PCDHGB1: variants seen among roughly 807,000 people sequenced by gnomAD.
The protein encoded by PCDHGB1 is protocadherin gamma subfamily B, 1.
PCDHGB1 carries 34 observed loss-of-function variants against 56.6 expected under a neutral mutation model. That is an observed-to-expected ratio of 0.60 (90% CI 0.46 to 0.80). The LOEUF is 0.80. PCDHGB1 is among the 30% of genes least tolerant of loss of function. The pLI, the probability that PCDHGB1 is intolerant of heterozygous loss-of-function variation, is 0.00. For synonymous variants in PCDHGB1, 561 were observed against 505.9 expected (o/e 1.11, Z -1.46); for missense variants, 1,278 against 1,204.6 (o/e 1.06, Z -0.90).
chr5:141,468,055 T>G (rs2099156893), intron 1 of PCDHGB1, among the ~76,000 whole-genome samples: 1 of 152,096 alleles, frequency 6.6e-6, no homozygotes, highest in Admixed American at 6.5e-5. Flanking sequence ...CCGGGCACAG[T>G]GGCTCACACC....
chr5:141,350,940 T>C lies in PCDHGB1; in HGVS notation c.680T>C (p.Ile227Thr). Residue 227 changes from isoleucine (I) to threonine (T), a missense_variant, in exon 1 of 4, where the codon ATC (isoleucine) becomes ACC (threonine). Ile to Thr is a moderately conservative substitution (Grantham distance 89, BLOSUM62 -1). Coordinates refer to ENST00000523390, the MANE Select transcript of PCDHGB1 (RefSeq NM_018922.3). ...PPLSGTTHIWIRVTDANDNAP... is the reference protein window; with the variant it reads ...PPLSGTTHIWTRVTDANDNAP... ...CTAAGCGGCACCACCCATATCTGGATCCGAGTTACGGATGCCAATGATAAT... is the reference window on the plus strand; with the variant it reads ...CTAAGCGGCACCACCCATATCTGGACCCGAGTTACGGATGCCAATGATAAT... The C allele has an allele frequency of 6.2e-7, 1 of 1,614,094 alleles. No homozygotes were observed. Among genetic ancestry groups the C allele is most frequent in the Non-Finnish European group, 8.5e-7 (1 of 1,179,912 alleles).
At chr5:141,409,769 G>T (rs1413636372) in intron 1 of PCDHGB1, 3 of 1,612,776 alleles carry the variant, frequency 1.9e-6, no homozygotes, top group Middle Eastern at 1.7e-4. Flanking sequence ...CTTTGATCAC[G>T]AGCAGCTGCG....
intron 1 of PCDHGB1, chr5:141,395,266 T>C (rs1369566717): frequency 1.9e-6 from 3 of 1,548,854 alleles, no homozygotes; most frequent in Non-Finnish European, 8.7e-7. Context: ...TTGCTTTTAA[T>C]TTCCAGATGA....
In PCDHGB1 at chr5:141,500,527, A is replaced by C. The variant is rs937551961; in HGVS notation, c.2469-4866A>C. On this transcript the variant is annotated intron_variant, in intron 2 of 3. Transcript: ENST00000523390. ...CCTGGCCGAGCTTCATTTTAAAAAA[A>C]TCTCATTCACCTAAATAAGTTGTTC... is the stretch of plus-strand genomic sequence containing the variant. 5.9e-5 allele frequency among the ~76,000 whole-genome samples: 9 copies of C among 152,298 alleles called. No individual in the cohort carries two copies. The South Asian group carries it at 6.2e-4, about 11-fold the overall frequency.
chr5:141,393,727 A>C, intron 1 of PCDHGB1: 1 of 1,613,852 alleles, frequency 6.2e-7, no homozygotes, highest in Non-Finnish European at 8.5e-7. Flanking sequence ...TCAATAGCAA[A>C]AAGTCTAGAT....
At chr5:141,403,776 G>A (rs1312851147) in intron 1 of PCDHGB1, 1 of 1,613,926 alleles carries the variant, frequency 6.2e-7, no homozygotes, top group East Asian at 2.2e-5. Flanking sequence ...GGAATCAACG[G>A]AAAAGTGGCA....
Position 141,485,331 on chromosome 5 carries a change from T to C in PCDHGB1, c.2410-9476T>C, listed in dbSNP as rs1203054851. On this transcript the variant is annotated intron_variant, in intron 1 of 3. Transcript: ENST00000523390. This position sits in a 1 kb window ranked among gnomAD's most constrained non-coding sequence, Gnocchi z 5.7. Reference sequence around the variant, plus strand: ...GTAGGGAATGTCGCTCAAGATTTCCTGCTGGATACGGACAGTCTGTCAGCT... The same window carrying C: ...GTAGGGAATGTCGCTCAAGATTTCCCGCTGGATACGGACAGTCTGTCAGCT... 6.2e-7 allele frequency: 1 copy of C among 1,614,048 alleles called. No individual in the cohort carries two copies. Among genetic ancestry groups the C allele is most frequent in the African/African-American group, 1.3e-5 (1 of 74,902 alleles).
chr5:141,404,171 G>A (rs532466154), intron 1 of PCDHGB1: 1 of 1,612,734 alleles, frequency 6.2e-7, no homozygotes, highest in South Asian at 1.1e-5. Flanking sequence ...ATTGTTGACG[G>A]CCCAAATTCT....
chr5:141,387,642 C>T lies in PCDHGB1; in HGVS notation c.2409+34973C>T, dbSNP rs554256672. 8.0e-6 allele frequency: 5 copies of T among 622,368 alleles called. No homozygotes were observed. In the South Asian group the frequency reaches 1.1e-4, roughly 14 times the overall value. The allele number at this position is 622,368 out of a possible 1,614,324, so 38.6% of individuals were successfully genotyped here. On this transcript the variant is annotated intron_variant, in intron 1 of 3. Transcript: ENST00000523390. Reference sequence around the variant, plus strand: ...TGCTGACTCTGGGCGCCGCTGTTGGCCAAAGTGGAGAGCTTGGCGCTCCAG... The same window carrying T: ...TGCTGACTCTGGGCGCCGCTGTTGGTCAAAGTGGAGAGCTTGGCGCTCCAG...
intron 1 of PCDHGB1, chr5:141,364,978 T>C (rs753013611): frequency 1.9e-5 from 31 of 1,613,774 alleles, no homozygotes; most frequent in Admixed American, 5.0e-5. Context: ...CAGCTTTAGA[T>C]GGCGGAGACC....
At position 141,351,600 on chromosome 5, in the gene PCDHGB1, T is replaced by C. The variant is rs1758767582; in HGVS notation, c.1340T>C (p.Val447Ala). The change falls in exon 1 of 4, where the codon GTT (valine) becomes GCT (alanine). Residue 447 changes from valine to alanine, a missense_variant. Physicochemically the swap from Val to Ala is moderately conservative, Grantham distance 64. Coordinates refer to ENST00000523390, the MANE Select transcript of PCDHGB1 (RefSeq NM_018922.3). ...TCCGACATCAACGACAATGCACCTG[T>C]TTTCCATCAGGCCTCCTATGTGGTC... The part of the protein sequence containing the change: ...HISDINDNAP[V>A]FHQASYVVHV... The C allele has an allele frequency of 6.2e-7, 1 of 1,613,908 alleles. No homozygotes were observed. The highest frequency in any genetic ancestry group is 1.7e-5 in the Admixed American group (1 of 60,006).
chr5:141,382,666 G>A (rs910632221), intron 1 of PCDHGB1: 20 of 422,596 alleles, frequency 4.7e-5, no homozygotes, highest in African/African-American at 3.6e-4. Flanking sequence ...TCACAGCGCC[G>A]CTGTTCACCA....
At position 141,491,744 on chromosome 5, in the gene PCDHGB1, C is replaced by T; in HGVS notation, c.2410-3063C>T. 6.3e-7 allele frequency: 1 copy of T among 1,592,720 alleles called. No individual in the cohort carries two copies. Among genetic ancestry groups the T allele is most frequent in the African/African-American group, 1.3e-5 (1 of 74,122 alleles). Reference sequence around the variant, plus strand: ...CCCCGGGCGACCCCTGGGGGCGGCACTGGAGAAGCCGCCCGTCCTCATAAG... The same window carrying T: ...CCCCGGGCGACCCCTGGGGGCGGCATTGGAGAAGCCGCCCGTCCTCATAAG... On this transcript the variant is annotated intron_variant, in intron 1 of 3. Transcript: ENST00000523390. The surrounding 1 kb of genome is among the most constrained non-coding windows in gnomAD (Gnocchi z 6.9).
At chr5:141,492,449 T>C (rs1045043841) in intron 1 of PCDHGB1, among the ~76,000 whole-genome samples, 50 of 152,314 alleles carry the variant, frequency 3.3e-4, no homozygotes, top group African/African-American at 1.2e-3. Flanking sequence ...TAGCTGATTG[T>C]GCGCGCCTGA....
At chr5:141,448,058 C>G (rs2098560499) in intron 1 of PCDHGB1, among the ~76,000 whole-genome samples, 2 of 151,936 alleles carry the variant, frequency 1.3e-5, no homozygotes, top group Non-Finnish European at 2.9e-5. Flanking sequence ...TGCTCTCCAG[C>G]CTGGGCAACA....
intron 1 of PCDHGB1, chr5:141,374,057 C>T (rs768326017): frequency 6.7e-7 from 1 of 1,486,570 alleles, no homozygotes; most frequent in Admixed American, 2.5e-5. Flanking sequence ...TCTTCTTAAT[C>T]CCAGAGAAGT....
intron 1 of PCDHGB1, chr5:141,418,539 A>C (rs984639830): frequency 6.2e-7 from 1 of 1,614,034 alleles, no homozygotes; most frequent in East Asian, 2.2e-5. Flanking sequence ...GGTACTGCTC[A>C]GATAAGAATC....
Position 141,486,674 on chromosome 5 carries a change from G to A in PCDHGB1, c.2410-8133G>A. On this transcript the variant is annotated intron_variant, in intron 1 of 3. Transcript: ENST00000523390. This position sits in a 1 kb window ranked among gnomAD's most constrained non-coding sequence, Gnocchi z 5.0. ...CTCACTCCTGGAGCCCAGGAATCGA[G>A]ATGTATCAGCTTCCTCTTTCATCTC... The A allele has an allele frequency of 1.9e-6, 3 of 1,614,080 alleles. No individual in the cohort carries two copies. Among genetic ancestry groups the A allele is most frequent in the Non-Finnish European group, 2.5e-6 (3 of 1,180,036 alleles).
At chr5:141,360,915 T>C in intron 1 of PCDHGB1, 1 of 1,614,010 alleles carries the variant, frequency 6.2e-7, no homozygotes, top group South Asian at 1.1e-5. Flanking sequence ...CGGGCTTCTT[T>C]GTGCTTCAAG....
Sources: gnomAD v4.1 joint callset for allele counts (sites outside exome capture counted in the v4.1 genomes callset) on GRCh38, gnomAD v4.1.1 for gene constraint, Gnocchi (gnomAD v3.1) non-coding constraint, MANE v1.5 for transcripts, NCBI Gene and HGNC (gene_info 2026-07-23, HGNC 2026-07-21) for gene names.